The following GRM7 variants were observed in gnomAD, a reference collection of about 807,000 sequenced individuals.
The protein encoded by GRM7 is glutamate metabotropic receptor 7, also known as metabotropic glutamate receptor 7.
A neutral mutation model predicts 84.5 loss-of-function variants in GRM7; 35 were observed. The observed-to-expected ratio is 0.41, with a 90% CI of 0.32 to 0.55. The LOEUF (loss-of-function observed/expected upper bound fraction) is 0.55. Among genes scored for constraint, GRM7 ranks in the 20% least tolerant of loss-of-function variants. The pLI is 0.19. For synonymous variants in GRM7, 487 were observed against 455.1 expected (o/e 1.07, Z -0.89); for missense variants, 1,003 against 1,194.6 (o/e 0.84, Z 2.36).
intron 2 of GRM7, among the ~76,000 whole-genome samples, chr3:7,285,869 A>T (rs188090704): frequency 6.6e-6 from 1 of 152,064 alleles, no homozygotes; most frequent in African/African-American, 2.4e-5. Flanking sequence ...CTGAAGCCCA[A>T]CGTGATTTTA....
intron 1 of GRM7, among the ~76,000 whole-genome samples, chr3:6,929,088 GTGT>G (rs1697406243): frequency 6.6e-6 from 1 of 152,174 alleles, no homozygotes; most frequent in Non-Finnish European, 1.5e-5. Context: ...GTTCCATTCA[GTGT>G]GATATTGGTA....
intron 9 of GRM7, among the ~76,000 whole-genome samples, chr3:7,714,978 C>A (rs1701721299): frequency 6.6e-6 from 1 of 152,156 alleles, no homozygotes; most frequent in South Asian, 2.1e-4. Flanking sequence ...AATGGCTGAA[C>A]CAAGGCTTCT....
chr3:7,367,236 C>A (rs934321140), intron 4 of GRM7, among the ~76,000 whole-genome samples: 1 of 151,470 alleles, frequency 6.6e-6, no homozygotes, highest in Non-Finnish European at 1.5e-5. Context: ...GCCTTTTTTC[C>A]CCTTCCCACT....
At chr3:7,704,714 A>G (rs1231600632) in intron 9 of GRM7, among the ~76,000 whole-genome samples, 1 of 152,126 alleles carries the variant, frequency 6.6e-6, no homozygotes, top group East Asian at 1.9e-4. Flanking sequence ...AAATATATGG[A>G]CTGGCAGCTG....
chr3:7,190,705 A>G (rs1182599688), intron 2 of GRM7, among the ~76,000 whole-genome samples: 1 of 152,118 alleles, frequency 6.6e-6, no homozygotes, highest in African/African-American at 2.4e-5. Flanking sequence ...TTTAATATAT[A>G]TATATTTTTT....
chr3:6,900,717 A>G (rs1019001088), intron 1 of GRM7, among the ~76,000 whole-genome samples: 3 of 152,240 alleles, frequency 2.0e-5, no homozygotes, highest in African/African-American at 7.2e-5. Flanking sequence ...TTTTAAGGAT[A>G]TATTTGAATG....
At chr3:7,310,127 T>G in intron 4 of GRM7, among the ~76,000 whole-genome samples, 1 of 152,192 alleles carries the variant, frequency 6.6e-6, no homozygotes, top group Admixed American at 6.5e-5. Flanking sequence ...CTAGGCATCC[T>G]CTAATTATGG....
At chr3:7,572,387 G>A (rs1694712381) in intron 7 of GRM7, among the ~76,000 whole-genome samples, 1 of 152,072 alleles carries the variant, frequency 6.6e-6, no homozygotes, top group South Asian at 2.1e-4. Context: ...AACAAATTAG[G>A]AATTACTGCT....
chr3:7,116,355 T>G (rs1237624681), intron 1 of GRM7, among the ~76,000 whole-genome samples: 1 of 152,152 alleles, frequency 6.6e-6, no homozygotes, highest in Non-Finnish European at 1.5e-5. Context: ...TTGTAGACAC[T>G]TCTATTTGCA....
chr3:7,244,059 C>T (rs1459444526), intron 2 of GRM7, among the ~76,000 whole-genome samples: 3 of 151,996 alleles, frequency 2.0e-5, no homozygotes, highest in Non-Finnish European at 4.4e-5. Flanking sequence ...AATGTGAAGG[C>T]CTAGGATGTT....
chr3:7,406,455 A>T (rs1320682441), intron 4 of GRM7, among the ~76,000 whole-genome samples: 1 of 151,824 alleles, frequency 6.6e-6, no homozygotes, highest in African/African-American at 2.4e-5. Flanking sequence ...AGCCGAGATC[A>T]CACCACTGCA....
chr3:7,096,588 T>A (rs79761050), intron 1 of GRM7, among the ~76,000 whole-genome samples: 2 of 151,832 alleles, frequency 1.3e-5, no homozygotes, highest in Non-Finnish European at 2.9e-5. Flanking sequence ...GTGTCCAGAG[T>A]TTTTATGGGG....
At chr3:7,503,496 T>C (rs1036875276) in intron 7 of GRM7, among the ~76,000 whole-genome samples, 2 of 152,180 alleles carry the variant, frequency 1.3e-5, no homozygotes, top group African/African-American at 2.4e-5. Context: ...TCCAGGCAGA[T>C]TGCATACCCA....
chr3:7,003,177 C>T (rs546464723), intron 1 of GRM7, among the ~76,000 whole-genome samples: 17 of 152,220 alleles, frequency 1.1e-4, no homozygotes, highest in African/African-American at 3.1e-4. Flanking sequence ...TATTGCACTG[C>T]ATGTTGACCA....
At chr3:7,354,598 A>G (rs1038867166) in intron 4 of GRM7, among the ~76,000 whole-genome samples, 7 of 152,162 alleles carry the variant, frequency 4.6e-5, no homozygotes, top group Admixed American at 6.5e-5. Flanking sequence ...GTCACCATCA[A>G]GGACTTGACA....
chr3:7,580,922 G>A (rs1355330121), intron 8 of GRM7, among the ~76,000 whole-genome samples: 1 of 152,012 alleles, frequency 6.6e-6, no homozygotes, highest in African/African-American at 2.4e-5. Context: ...GTGCTCGTAA[G>A]TTGATAACTA....
chr3:7,219,637 T>C (rs1427738459), intron 2 of GRM7, among the ~76,000 whole-genome samples: 1 of 152,204 alleles, frequency 6.6e-6, no homozygotes, highest in East Asian at 1.9e-4. Context: ...TAGTTACATA[T>C]AGAAATATTT....
intron 2 of GRM7, among the ~76,000 whole-genome samples, chr3:7,269,176 C>T (rs1330179290): frequency 6.6e-6 from 1 of 152,200 alleles, no homozygotes; most frequent in African/African-American, 2.4e-5. Context: ...TTTTGCCTAT[C>T]ATTATCTGGT....
At chr3:7,455,146 T>C (rs1697951814) in intron 6 of GRM7, among the ~76,000 whole-genome samples, 1 of 152,058 alleles carries the variant, frequency 6.6e-6, no homozygotes, top group Admixed American at 6.6e-5. Flanking sequence ...ACTCATAAAA[T>C]AAATAACCAT....
Sources: allele counts gnomAD v4.1 joint callset (sites outside exome capture counted in the v4.1 genomes callset), GRCh38; gene constraint gnomAD v4.1.1; transcripts MANE v1.5; gene names NCBI Gene and HGNC (gene_info 2026-07-23, HGNC 2026-07-21).